SNAP25: variants seen among roughly 807,000 people sequenced by gnomAD.
The protein encoded by SNAP25 is synaptosome associated protein 25.
Under a neutral mutation model 28.7 loss-of-function variants are expected in SNAP25, and 3 were observed. The ratio of observed to expected loss-of-function variants is 0.10; its 90% CI spans 0.05 to 0.27. The LOEUF is 0.27. Ranked by LOEUF, SNAP25 falls within the 10% of genes least tolerant of loss-of-function variation. The pLI, the probability that SNAP25 is intolerant of heterozygous loss-of-function variation, is 1.00. For missense variants in SNAP25, 117 were observed against 278.7 expected, an observed-to-expected ratio of 0.42 and a Z score of 4.13; for synonymous variants, 61 against 88.1, an observed-to-expected ratio of 0.69 and a Z score of 1.72.
chr20:10,263,503 GT>G (rs1280191857), intron 1 of SNAP25, among the ~76,000 whole-genome samples: 1 of 152,172 alleles, frequency 6.6e-6, no homozygotes, highest in Admixed American at 6.5e-5. Flanking sequence ...CACAGAAATA[GT>G]TTGGTTTTCA....
intron 1 of SNAP25, among the ~76,000 whole-genome samples, chr20:10,223,692 G>A (rs2062677570): frequency 6.6e-6 from 1 of 152,022 alleles, no homozygotes; most frequent in Non-Finnish European, 1.5e-5. Flanking sequence ...CTTACAAGAG[G>A]AAAAAGACTT....
intron 1 of SNAP25, among the ~76,000 whole-genome samples, chr20:10,259,827 G>C (rs1232860123): frequency 1.3e-5 from 2 of 152,180 alleles, no homozygotes; most frequent in Non-Finnish European, 2.9e-5. Flanking sequence ...TTGAGCCGCT[G>C]TGCCCAGCCA....
intron 3 of SNAP25, chr20:10,277,935 AC>A (rs1244815570): frequency 2.0e-6 from 1 of 509,658 alleles, no homozygotes; most frequent in African/African-American, 1.9e-5. Context: ...AGCCCAAGCC[AC>A]CTCTGTAGTC....
At chr20:10,262,678 T>C (rs1263146724) in intron 1 of SNAP25, among the ~76,000 whole-genome samples, 2 of 152,146 alleles carry the variant, frequency 1.3e-5, no homozygotes, top group Non-Finnish European at 2.9e-5. Context: ...GATAGTGATT[T>C]ATTAAGGCAG....
At chr20:10,232,881 A>G (rs976960025) in intron 1 of SNAP25, among the ~76,000 whole-genome samples, 1 of 152,140 alleles carries the variant, frequency 6.6e-6, no homozygotes, top group Admixed American at 6.5e-5. Context: ...GGGCTCAATG[A>G]TTTTTATGCC....
chr20:10,228,181 G>A (rs2062765863), intron 1 of SNAP25, among the ~76,000 whole-genome samples: 1 of 152,106 alleles, frequency 6.6e-6, no homozygotes, highest in African/African-American at 2.4e-5. Context: ...ACTTTCTCCA[G>A]AGAAGACTGA....
chr20:10,288,569 A>C (rs1201959232), intron 4 of SNAP25, among the ~76,000 whole-genome samples: 1 of 152,208 alleles, frequency 6.6e-6, no homozygotes, highest in African/African-American at 2.4e-5. Context: ...AACAAAGCAG[A>C]ATAGAATGTC....
intron 1 of SNAP25, among the ~76,000 whole-genome samples, chr20:10,257,793 G>C (rs2063346281): frequency 6.7e-6 from 1 of 148,962 alleles, no homozygotes; most frequent in Non-Finnish European, 1.5e-5. Context: ...TGAGGCAGGA[G>C]AATTGCATGA....
At chr20:10,299,904 T>C (rs780134097) in intron 7 of SNAP25, among the ~76,000 whole-genome samples, 1 of 152,190 alleles carries the variant, frequency 6.6e-6, no homozygotes, top group Non-Finnish European at 1.5e-5. Context: ...TATTAATAGT[T>C]TGTCAAGTGG....
intron 1 of SNAP25, among the ~76,000 whole-genome samples, chr20:10,229,056 G>T (rs1881582687): frequency 6.6e-6 from 1 of 152,022 alleles, no homozygotes; most frequent in East Asian, 1.9e-4. Context: ...ACCTGAAGAG[G>T]CCCAGTTGTT....
rs999432806 is a variant in SNAP25, at chr20:10,301,865, T to C, written c.552+2453T>C. 8.9e-5 allele frequency among the ~76,000 whole-genome samples: 13 copies of C among 145,844 alleles called. No individual in the cohort carries two copies. The East Asian group carries it at 1.6e-3, about 18-fold the overall frequency. On this transcript the variant is annotated intron_variant, in intron 7 of 7. Coordinates refer to ENST00000254976, the MANE Select transcript of SNAP25 (RefSeq NM_130811.4). ...ATATATATAAATAAATAACTATATA[T>C]ATTATATAATATATAATATATATAT... is the stretch of plus-strand genomic sequence containing the variant.
intron 4 of SNAP25, among the ~76,000 whole-genome samples, chr20:10,290,753 G>A (rs2063979786): frequency 6.6e-6 from 1 of 152,090 alleles, no homozygotes; most frequent in African/African-American, 2.4e-5. Flanking sequence ...GCTTATTTCA[G>A]CTGTCATTAG....
chr20:10,268,944 A>G (rs1294746929), intron 1 of SNAP25, among the ~76,000 whole-genome samples: 1 of 152,140 alleles, frequency 6.6e-6, no homozygotes, highest in African/African-American at 2.4e-5. Flanking sequence ...ACATTTGTCC[A>G]CAACTGGTTG....
intron 1 of SNAP25, chr20:10,231,383 G>T (rs552643221): frequency 6.6e-6 from 1 of 152,264 alleles, no homozygotes; most frequent in East Asian, 1.9e-4. Flanking sequence ...AGATGACCAG[G>T]CCCAGAGATA....
chr20:10,219,733 G>C (rs2062591250), intron 1 of SNAP25: 1 of 152,436 alleles, frequency 6.6e-6, no homozygotes, highest in East Asian at 1.9e-4. Flanking sequence ...GAAATGCCTG[G>C]CCGGGGCTGG....
intron 1 of SNAP25, among the ~76,000 whole-genome samples, chr20:10,244,706 C>CT (rs1018911673): frequency 5.3e-5 from 8 of 150,862 alleles, no homozygotes; most frequent in African/African-American, 1.9e-4. Context: ...TCTGCTAAAT[C>CT]TTTTTTGTTT....
rs150581324 is a variant in SNAP25, at chr20:10,239,307, A to AT, written c.-64+20331dup. On this transcript the variant is annotated intron_variant, in intron 1 of 7. Coordinates refer to ENST00000254976, the MANE Select transcript of SNAP25 (RefSeq NM_130811.4). Reference sequence around the variant, plus strand: ...CAATAGTCGAATTTCATGCACACATATATGAAATTCACATAGGTGATATTT... The same window carrying AT: ...CAATAGTCGAATTTCATGCACACATATTATGAAATTCACATAGGTGATATTT... 4.6e-5 allele frequency among the ~76,000 whole-genome samples: 7 copies of AT among 152,358 alleles called. No homozygotes were observed. In the East Asian group the frequency reaches 1.3e-3, roughly 29 times the overall value.
At chr20:10,254,291 C>T (rs1381007430) in intron 1 of SNAP25, among the ~76,000 whole-genome samples, 1 of 152,224 alleles carries the variant, frequency 6.6e-6, no homozygotes, top group Admixed American at 6.5e-5. Flanking sequence ...GCCCAGCTCT[C>T]TCTCCTGGAG....
At chr20:10,261,259 T>C (rs528758388) in intron 1 of SNAP25, among the ~76,000 whole-genome samples, 158 of 152,270 alleles carry the variant, frequency 1.0e-3, no homozygotes, top group African/African-American at 3.6e-3. Context: ...CGAATGAGTA[T>C]GAACATGTGA....
Sources: gnomAD v4.1 joint callset for allele counts (sites outside exome capture counted in the v4.1 genomes callset) on GRCh38, gnomAD v4.1.1 for gene constraint, MANE v1.5 for transcripts, NCBI Gene and HGNC (gene_info 2026-07-23, HGNC 2026-07-21) for gene names.